Variants in DENND1A observed in about 807,000 individuals in gnomAD.
DENND1A encodes the protein DENN domain containing 1A, also known as DENN domain-containing protein 1A.
A neutral mutation model predicts 113.7 loss-of-function variants in DENND1A; 51 were observed. The ratio of observed to expected loss-of-function variants is 0.45; its 90% CI spans 0.36 to 0.57. The LOEUF (loss-of-function observed/expected upper bound fraction) is 0.57. Among genes scored for constraint, DENND1A ranks in the 20% least tolerant of loss-of-function variants. The pLI is 0.00. For missense variants in DENND1A, 1,258 were observed against 1,395.9 expected, an observed-to-expected ratio of 0.90 and a Z score of 1.57; for synonymous variants, 565 against 570.8, an observed-to-expected ratio of 0.99 and a Z score of 0.14.
At chr9:123,765,885 A>C (rs191160755) in intron 4 of DENND1A, among the ~76,000 whole-genome samples, 248 of 152,226 alleles carry the variant, frequency 1.6e-3, no homozygotes, top group Non-Finnish European at 3.1e-3. Flanking sequence ...TTAGGAATAG[A>C]GTACCAGTGC....
intron 2 of DENND1A, among the ~76,000 whole-genome samples, chr9:123,821,532 G>A (rs914833653): frequency 1.3e-5 from 2 of 152,154 alleles, no homozygotes; most frequent in African/African-American, 4.8e-5. Flanking sequence ...TCCTTATGGT[G>A]GATTAGAGGT....
chr9:123,796,363 C>T (rs1240379976), intron 2 of DENND1A, among the ~76,000 whole-genome samples: 1 of 152,152 alleles, frequency 6.6e-6, no homozygotes, highest in Non-Finnish European at 1.5e-5. Flanking sequence ...CAGAACATGA[C>T]CATGCTTAAA....
rs535689322 is a variant in DENND1A, at chr9:123,915,941, T to C, written c.17+13948A>G. 1.6e-4 allele frequency among the ~76,000 whole-genome samples: 24 copies of C among 152,302 alleles called. No homozygotes were observed. In the South Asian group the frequency reaches 4.6e-3, roughly 29 times the overall value. On this transcript the variant is annotated intron_variant, in intron 1 of 23. Coordinates refer to ENST00000394215, the MANE Select transcript of DENND1A (RefSeq NM_001352964.2). ...CAACAAGCATTCTCGTGTGGGAATA[T>C]GAATTGGCACAATCTCTATGGAGGA...
At chr9:123,846,732 A>G (rs1842673286) in intron 2 of DENND1A, among the ~76,000 whole-genome samples, 1 of 152,242 alleles carries the variant, frequency 6.6e-6, no homozygotes, top group Admixed American at 6.5e-5. Flanking sequence ...TAATGATTAC[A>G]AAGTTTTTAT....
At position 123,929,872 on chromosome 9, in the gene DENND1A, G is replaced by A; in HGVS notation, c.17+17C>T. 3.8e-6 allele frequency: 1 copy of A among 265,228 alleles called. No individual in the cohort carries two copies. The highest frequency in any genetic ancestry group is 7.0e-6 in the Non-Finnish European group (1 of 143,748). The allele number at this position is 265,228 out of a possible 1,614,324, so 16.4% of individuals were successfully genotyped here. A position where few individuals can be genotyped will look rare whatever the true frequency, so the allele number is the denominator to read the frequency against. On this transcript the variant is annotated intron_variant, in intron 1 of 23. Coordinates refer to ENST00000394215, the MANE Select transcript of DENND1A (RefSeq NM_001352964.2). Reference sequence around the variant, plus strand: ...CCCCGCGCCCGGCCCGGCTCCGCCCGGCCCGGCCGCACTCACTTGATCCTG... The same window carrying A: ...CCCCGCGCCCGGCCCGGCTCCGCCCAGCCCGGCCGCACTCACTTGATCCTG...
intron 13 of DENND1A, among the ~76,000 whole-genome samples, chr9:123,481,800 T>TC (rs1164821237): frequency 3.3e-5 from 5 of 149,604 alleles, no homozygotes; most frequent in African/African-American, 4.9e-5. Context: ...TTTCTTTCTT[T>TC]TTTTTTTTTT....
chr9:123,560,633 T>G (rs1263330346), intron 12 of DENND1A, among the ~76,000 whole-genome samples: 1 of 148,160 alleles, frequency 6.7e-6, no homozygotes, highest in Non-Finnish European at 1.5e-5. Context: ...GAGGTTGCAA[T>G]GAGCTATGAT....
chr9:123,776,156 G>T (rs1377920620), intron 3 of DENND1A, among the ~76,000 whole-genome samples: 2 of 152,136 alleles, frequency 1.3e-5, no homozygotes, highest in Non-Finnish European at 2.9e-5. Context: ...TGGCATAAGT[G>T]TCTGGGCGCT....
intron 15 of DENND1A, among the ~76,000 whole-genome samples, 192 bp from the exon 16 acceptor site, chr9:123,454,971 G>A (rs190787780): frequency 7.2e-4 from 109 of 151,452 alleles, no homozygotes; most frequent in Non-Finnish European, 1.0e-3. Context: ...ACAGGTGCCC[G>A]CCACCACACC....
chr9:123,465,897 T>C (rs976376506), intron 13 of DENND1A, among the ~76,000 whole-genome samples: 1 of 152,228 alleles, frequency 6.6e-6, no homozygotes, highest in Admixed American at 6.5e-5. Context: ...ATATGTACAA[T>C]TGTATTTTAT....
chr9:123,682,126 C>T (rs1311868931), intron 5 of DENND1A, among the ~76,000 whole-genome samples: 3 of 152,206 alleles, frequency 2.0e-5, no homozygotes, highest in African/African-American at 7.2e-5. Flanking sequence ...CTTATCAGAA[C>T]CAGCATCTAC....
intron 13 of DENND1A, among the ~76,000 whole-genome samples, chr9:123,519,027 C>T (rs1462823172): frequency 6.6e-6 from 1 of 152,200 alleles, no homozygotes; most frequent in Admixed American, 6.5e-5. Flanking sequence ...TCCTGGGCTC[C>T]CCCGTTCCCT....
intron 1 of DENND1A, among the ~76,000 whole-genome samples, chr9:123,914,180 G>C (rs1854616094): frequency 6.6e-6 from 1 of 151,992 alleles, no homozygotes; most frequent in South Asian, 2.1e-4. Flanking sequence ...CCTTTGTCAA[G>C]CTCAAGGTCT....
intron 13 of DENND1A, among the ~76,000 whole-genome samples, chr9:123,545,523 G>A (rs1589073143): frequency 6.6e-6 from 1 of 151,780 alleles, no homozygotes. Flanking sequence ...CTGGAGTGCA[G>A]TGGCACGATC....
intron 13 of DENND1A, among the ~76,000 whole-genome samples, chr9:123,512,749 A>T (rs558745566): frequency 6.6e-6 from 1 of 152,320 alleles, no homozygotes; most frequent in East Asian, 1.9e-4. Flanking sequence ...CAGTGGAAGG[A>T]GGGGCAGATT....
At chr9:123,393,199 G>A (rs2042943913) in intron 21 of DENND1A, among the ~76,000 whole-genome samples, 1 of 152,194 alleles carries the variant, frequency 6.6e-6, no homozygotes, top group Admixed American at 6.5e-5. Flanking sequence ...ATGGTGCTGA[G>A]CACACAGTGA....
At chr9:123,885,416 C>T (rs1001617128) in intron 1 of DENND1A, among the ~76,000 whole-genome samples, 1 of 152,224 alleles carries the variant, frequency 6.6e-6, no homozygotes, top group Non-Finnish European at 1.5e-5. Flanking sequence ...ATAAATGTTT[C>T]ATGAATGAGT....
At chr9:123,603,895 T>C (rs577963558) in intron 11 of DENND1A, among the ~76,000 whole-genome samples, 2 of 152,316 alleles carry the variant, frequency 1.3e-5, no homozygotes, top group African/African-American at 4.8e-5. Flanking sequence ...TTTATGTACA[T>C]GTTTTTGATG....
chr9:123,632,071 T>C (rs2061499003), intron 9 of DENND1A, among the ~76,000 whole-genome samples: 1 of 152,188 alleles, frequency 6.6e-6, no homozygotes, highest in South Asian at 2.1e-4. Flanking sequence ...AAGAGTGACG[T>C]GCCAAGGCCC....
Sources: gnomAD v4.1 joint callset for allele counts (sites outside exome capture counted in the v4.1 genomes callset) on GRCh38, gnomAD v4.1.1 for gene constraint, MANE v1.5 for transcripts, NCBI Gene and HGNC (gene_info 2026-07-23, HGNC 2026-07-21) for gene names.